The following COL16A1 variants were observed in gnomAD, a reference collection of about 807,000 sequenced individuals.
COL16A1 encodes the protein collagen alpha-1(XVI) chain.
A neutral mutation model predicts 266.3 loss-of-function variants in COL16A1; 189 were observed. The ratio of observed to expected loss-of-function variants is 0.71; its 90% confidence interval spans 0.63 to 0.80. The LOEUF is 0.80. Among genes scored for constraint, COL16A1 ranks in the 30% least tolerant of loss-of-function variants. The pLI is 0.00. For synonymous variants in COL16A1, 740 were observed against 782.3 expected (o/e 0.95, Z 0.90); for missense variants, 1,928 against 2,122.4 (o/e 0.91, Z 1.80).
intron 39 of COL16A1, 91 bp downstream of exon 39, chr1:31,680,814 C>T: frequency 1.2e-6 from 2 of 1,601,872 alleles, no homozygotes; most frequent in Admixed American, 3.4e-5. Context: ...GCTGGAGGGG[C>T]TGCTAATCCC....
chr1:31,655,405 A>G lies in COL16A1; in HGVS notation c.4199T>C (p.Val1400Ala). 3.7e-6 allele frequency: 6 copies of G among 1,614,080 alleles called. No homozygotes were observed. The highest frequency in any genetic ancestry group is 5.1e-6 in the Non-Finnish European group (6 of 1,180,000). ...CTCTCCTGCAGGGCCCGGTGGCCCA[A>G]CAGGCCCCATGGAACCACTCTTGCC... Reference protein sequence around the residue: ...GPGKSGSMGPVGPPGPAGERG... With the variant: ...GPGKSGSMGPAGPPGPAGERG... The change falls in exon 67 of 71, where the codon GTT (valine) becomes GCT (alanine). Residue 1400 changes from valine (V) to alanine (A), a missense_variant. By Grantham distance (64) the Val-to-Ala change is moderately conservative (BLOSUM62 0). Around this residue, in one of 2 missense-constraint regions of COL16A1, gnomAD observed 376 missense variants for 485.2 expected, o/e 0.77. Transcript: ENST00000373672.
In COL16A1 at chr1:31,688,466, C is replaced by T; in HGVS notation, c.1803+1G>A. 6.2e-7 allele frequency: 1 copy of T among 1,614,168 alleles called. No individual in the cohort carries two copies. The highest frequency in any genetic ancestry group is 1.1e-5 in the South Asian group (1 of 91,076). On this transcript the variant is annotated splice_donor_variant, in intron 26 of 70. Coordinates refer to ENST00000373672, the MANE Select transcript of COL16A1 (RefSeq NM_001856.4). LOFTEE classifies it high-confidence loss of function. This position sits in a 1 kb window ranked among gnomAD's most constrained non-coding sequence, Gnocchi z 4.9. ...TCCCTGACATCTAACCCAGGTCTCA[C>T]CTTCTCTCCTTTCAGCCCTGGAACC...
chr1:31,686,688 G>A (rs1410146822), intron 26 of COL16A1, among the ~76,000 whole-genome samples: 2 of 152,246 alleles, frequency 1.3e-5, no homozygotes, highest in Non-Finnish European at 2.9e-5. Flanking sequence ...AAACAGTGGT[G>A]AGTACTATGA....
At chr1:31,682,847 G>A (rs1392922015) in intron 37 of COL16A1, 87 bp downstream of exon 37, 3 of 1,536,614 alleles carry the variant, frequency 2.0e-6, no homozygotes, top group East Asian at 4.5e-5. Flanking sequence ...CTGCTGGGAT[G>A]GGCAGGGTCA....
intron 69 of COL16A1, 63 bp from the exon 70 acceptor site, chr1:31,653,739 T>G: frequency 3.2e-6 from 5 of 1,567,964 alleles, no homozygotes; most frequent in Non-Finnish European, 4.3e-6. Flanking sequence ...CCAGTCAGAT[T>G]ACTTGAAACA....
rs1643908399 is a variant in COL16A1 at position 31,685,187 on chromosome 1, G to A, written c.2017-331C>T. On this transcript the variant is annotated intron_variant, in intron 29 of 70. Coordinates refer to ENST00000373672, the MANE Select transcript of COL16A1 (RefSeq NM_001856.4). The surrounding 1 kb of genome is among the most constrained non-coding windows in gnomAD (Gnocchi z 4.0). ...TGTGCAGCAGTGCCTGGCACATAGT[G>A]TCCACTGTGGTAGTGCTGGCCGTTA... Among the ~76,000 whole-genome samples, 1 of 152,202 alleles carries A rather than the reference G, an allele frequency of 6.6e-6. No individual in the cohort carries two copies. Among genetic ancestry groups the A allele is most frequent in the African/African-American group, 2.4e-5 (1 of 41,440 alleles).
chr1:31,699,764 T>C, intron 4 of COL16A1, 49 bp downstream of exon 4: 1 of 1,188,612 alleles, frequency 8.4e-7, no homozygotes, highest in Non-Finnish European at 1.2e-6. Flanking sequence ...TGCTGAGGAG[T>C]GTGGCTGAGG....
chr1:31,656,442 T>C lies in COL16A1; in HGVS notation c.4059A>G (p.Gly1353=), dbSNP rs775037009. ...CATAGAATCCCTGCTTTCCAGGGGG[T>C]CCCTAGAGGAAAGCAAAAGTCAGAG... is the stretch of plus-strand genomic sequence containing the variant. ...PGTDGAAGKE[G]PPGKQGFYGP... is the part of the protein sequence containing the mutation. The change falls in exon 66 of 71, where the codon GGA becomes GGG. Residue 1353 remains glycine (G), a splice_region_variant and synonymous_variant. Transcript: ENST00000373672. This position sits in a 1 kb window ranked among gnomAD's most constrained non-coding sequence, Gnocchi z 4.2. The C allele has an allele frequency of 6.2e-7, 1 of 1,612,358 alleles. No individual in the cohort carries two copies. The highest frequency in any genetic ancestry group is 1.7e-5 in the Admixed American group (1 of 59,806).
At chr1:31,665,064 C>G in intron 56 of COL16A1, 108 bp downstream of exon 56, 1 of 1,505,462 alleles carries the variant, frequency 6.6e-7, no homozygotes. Flanking sequence ...CTCAGTGCAA[C>G]TGGGTCAGTC....
At chr1:31,677,575 A>T (rs1336057375) in intron 42 of COL16A1, among the ~76,000 whole-genome samples, 3 of 152,320 alleles carry the variant, frequency 2.0e-5, no homozygotes, top group Non-Finnish European at 2.9e-5. Flanking sequence ...TCAATGACCT[A>T]CTAGTTGCCT....
intron 42 of COL16A1, among the ~76,000 whole-genome samples, chr1:31,677,949 C>T (rs186011078): frequency 1.1e-3 from 166 of 152,312 alleles, no homozygotes; most frequent in African/African-American, 3.8e-3. Context: ...ATGACTCTTA[C>T]ACTTCCCCAA....
At chr1:31,659,371 C>T (rs1244118430) in intron 62 of COL16A1, among the ~76,000 whole-genome samples, 1 of 152,148 alleles carries the variant, frequency 6.6e-6, no homozygotes, top group African/African-American at 2.4e-5. Flanking sequence ...AGCTGGGGGT[C>T]CGTGTAGCAG....
intron 67 of COL16A1, 131 bp from the exon 68 acceptor site, chr1:31,654,989 T>C (rs1417653825): frequency 2.1e-6 from 3 of 1,409,462 alleles, no homozygotes; most frequent in Admixed American, 5.4e-5. Flanking sequence ...TTTTTTTTTT[T>C]TTTTTTTTTT....
At chr1:31,655,166 C>T in intron 67 of COL16A1, 148 bp downstream of exon 67, 1 of 1,333,966 alleles carries the variant, frequency 7.5e-7, no homozygotes, top group Non-Finnish European at 1.0e-6. Flanking sequence ...ATCATCCCCA[C>T]CCTTCCGCAC....
intron 42 of COL16A1, among the ~76,000 whole-genome samples, chr1:31,677,014 C>T (rs1443501932): frequency 1.3e-5 from 2 of 152,368 alleles, no homozygotes; most frequent in Middle Eastern, 3.4e-3. Context: ...CACCTCTGTG[C>T]ACCATCAGGG....
chr1:31,679,876 A>C, intron 40 of COL16A1, 25 bp from the exon 41 acceptor site: 1 of 1,501,344 alleles, frequency 6.7e-7, no homozygotes. Flanking sequence ...GGGTCGCAAA[A>C]GAAGGGGAGA....
chr1:31,656,893 C>G lies in COL16A1; in HGVS notation c.4056+140G>C, dbSNP rs751482428. ...GGCCTCAAGTCTCTAATTCCTCTCC[C>G]CAGGACAACAGGGTTAACAATTTCC... On this transcript the variant is annotated intron_variant, in intron 65 of 70. Coordinates refer to ENST00000373672, the MANE Select transcript of COL16A1 (RefSeq NM_001856.4). This position sits in a 1 kb window ranked among gnomAD's most constrained non-coding sequence, Gnocchi z 4.2. 5.6e-6 allele frequency: 7 copies of G among 1,239,550 alleles called. No homozygotes were observed. The East Asian group carries it at 1.4e-4, about 25-fold the overall frequency. The allele number at this position is 1,239,550 out of a possible 1,614,324, so 76.8% of individuals were successfully genotyped here. A position where few individuals can be genotyped will look rare whatever the true frequency, so the allele number is the denominator to read the frequency against.
chr1:31,665,391 G>T, intron 55 of COL16A1, 157 bp from the exon 56 acceptor site: 1 of 1,414,790 alleles, frequency 7.1e-7, no homozygotes, highest in Non-Finnish European at 9.5e-7. Flanking sequence ...GGCCTGCTGG[G>T]CTGGGGCCCA....
In COL16A1 at chr1:31,671,702, C is replaced by A. The variant is rs766326684; in HGVS notation, c.3106-43G>T. The A allele has an allele frequency of 4.6e-5, 74 of 1,612,382 alleles. No homozygotes were observed. The South Asian group carries it at 5.5e-4, about 12-fold the overall frequency. On this transcript the variant is annotated intron_variant, in intron 47 of 70. Transcript: ENST00000373672. Reference sequence around the variant, plus strand: ...GGAAATGGATGAAGAGGCCCAGGCCCCATAGAGCCCCTGGGATTCCAGCAG... The same window carrying A: ...GGAAATGGATGAAGAGGCCCAGGCCACATAGAGCCCCTGGGATTCCAGCAG...
Sources: allele counts gnomAD v4.1 joint callset (sites outside exome capture counted in the v4.1 genomes callset), GRCh38; gene constraint gnomAD v4.1.1; regional missense constraint gnomAD v4.1.1; non-coding constraint Gnocchi (gnomAD v3.1); transcripts MANE v1.5; gene names NCBI Gene and HGNC (gene_info 2026-07-23, HGNC 2026-07-21).